SAMD5: variants seen among roughly 807,000 people sequenced by gnomAD.
SAMD5 encodes sterile alpha motif domain containing 5.
A neutral mutation model predicts 11.3 loss-of-function variants in SAMD5; 13 were observed. That is an observed-to-expected ratio of 1.15 (90% CI 0.75 to 1.83). SAMD5 has a LOEUF of 1.83. Among genes scored for constraint, SAMD5 ranks in the 40% most tolerant of loss-of-function variants. The pLI is 0.00. For missense variants in SAMD5, 255 were observed against 239.1 expected (o/e 1.07, Z -0.44); for synonymous variants, 129 against 111.3 (o/e 1.16, Z -1.00).
intron 1 of SAMD5, among the ~76,000 whole-genome samples, chr6:147,677,087 G>A (rs1022872951): frequency 1.4e-4 from 21 of 152,108 alleles, no homozygotes; most frequent in African/African-American, 4.8e-4. Context: ...CAGAGCTACC[G>A]ACAATGTCAG....
At chr6:147,783,991 T>C in the SAMD5 span, among the ~76,000 whole-genome samples, 1 of 152,132 alleles carries the variant, frequency 6.6e-6, no homozygotes, top group African/African-American at 2.4e-5. Context: ...GTCCTGGCAA[T>C]GGCAGGTTCA....
intron 1 of SAMD5, among the ~76,000 whole-genome samples, chr6:147,537,569 G>A (rs906010752): frequency 2.7e-5 from 4 of 150,644 alleles, no homozygotes; most frequent in Non-Finnish European, 5.9e-5. Context: ...TGGCTAACCC[G>A]GTGAAACCCC....
At position 147,677,454 on chromosome 6, in the gene SAMD5, A is replaced by G. The variant is rs1790879295; in HGVS notation, c.163-59863A>G. ...GGAGTGGCTGCCATTGGGAAGGTTT[A>G]GAGGGTAAACTTTGAGCTTGAGGAA... is the stretch of plus-strand genomic sequence containing the variant. On this transcript the variant is annotated intron_variant, in intron 1 of 1. Coordinates refer to the SAMD5 transcript ENST00000566741. 2.0e-5 allele frequency among the ~76,000 whole-genome samples: 3 copies of G among 152,194 alleles called. No individual in the cohort carries two copies. The South Asian group carries it at 6.2e-4, about 32-fold the overall frequency.
chr6:147,702,104 G>C (rs1188561302), intron 1 of SAMD5, among the ~76,000 whole-genome samples: 1 of 152,166 alleles, frequency 6.6e-6, no homozygotes, highest in Admixed American at 6.5e-5. Flanking sequence ...CATCATGGCG[G>C]AAGACAAAAG....
At chr6:147,837,534 A>G in the SAMD5 span, among the ~76,000 whole-genome samples, 1 of 152,168 alleles carries the variant, frequency 6.6e-6, no homozygotes, top group Non-Finnish European at 1.5e-5. Context: ...GTCCCCTTCT[A>G]CACTGCGTGG....
At chr6:147,923,975 T>C in the SAMD5 span, among the ~76,000 whole-genome samples, 5 of 152,228 alleles carry the variant, frequency 3.3e-5, no homozygotes, top group Non-Finnish European at 7.3e-5. Flanking sequence ...GTTAAGGAAC[T>C]GGCTAGGTAC....
chr6:147,647,957 A>G (rs756119074), intron 1 of SAMD5, among the ~76,000 whole-genome samples: 1 of 152,192 alleles, frequency 6.6e-6, no homozygotes, highest in Non-Finnish European at 1.5e-5. Context: ...GATTAAGTAA[A>G]TTGATCAAGG....
chr6:147,522,163 G>A (rs905239319), intron 1 of SAMD5, among the ~76,000 whole-genome samples: 2 of 152,010 alleles, frequency 1.3e-5, no homozygotes, highest in Admixed American at 6.6e-5. Flanking sequence ...TACTTTACAG[G>A]AATTACAGCT....
chr6:147,811,567 CACA>C, the SAMD5 span, among the ~76,000 whole-genome samples: 1 of 151,948 alleles, frequency 6.6e-6, no homozygotes, highest in Non-Finnish European at 1.5e-5. Context: ...GCTTCCAGGG[CACA>C]ACAAGGAGGC....
chr6:147,914,402 A>G, the SAMD5 span, among the ~76,000 whole-genome samples: 4 of 152,150 alleles, frequency 2.6e-5, no homozygotes, highest in Non-Finnish European at 4.4e-5. Flanking sequence ...GTTTGTTTTG[A>G]CCAGAGCTGG....
chr6:147,840,234 A>G, the SAMD5 span, among the ~76,000 whole-genome samples: 1 of 152,222 alleles, frequency 6.6e-6, no homozygotes. Context: ...TTTTGATGGC[A>G]TGTCAGAGAT....
chr6:147,640,497 CAAA>C (rs1172694444), intron 1 of SAMD5, among the ~76,000 whole-genome samples: 1,234 of 23,916 alleles, frequency 0.052, 6 homozygotes, highest in African/African-American at 0.12. Context: ...GACTCTGTCG[CAAA>C]AAAAAAAAAA....
chr6:147,936,388 A>G, the SAMD5 span, among the ~76,000 whole-genome samples: 1 of 150,970 alleles, frequency 6.6e-6, no homozygotes, highest in Non-Finnish European at 1.5e-5. Context: ...CAATCATGGC[A>G]GAAGGTGAAG....
At chr6:147,915,313 A>G in the SAMD5 span, among the ~76,000 whole-genome samples, 2 of 152,206 alleles carry the variant, frequency 1.3e-5, no homozygotes, top group African/African-American at 2.4e-5. Flanking sequence ...TTTATAGAAA[A>G]ACAGAGAGTC....
rs111395807 is a variant in SAMD5, at chr6:147,511,596, T to G, written c.459+2209T>G. ...AAAATAGAAACAGAAGTGTTTTCATTATCTCCCTCATTGATCCTTGAGTTG... is the reference window on the plus strand; with the variant it reads ...AAAATAGAAACAGAAGTGTTTTCATGATCTCCCTCATTGATCCTTGAGTTG... On this transcript the variant is annotated intron_variant, in intron 1 of 1. Coordinates refer to ENST00000367474, the MANE Select transcript of SAMD5 (RefSeq NM_001030060.3). Among the ~76,000 whole-genome samples, 272 of 150,380 alleles carry G rather than the reference T, an allele frequency of 1.8e-3. 1 individual carries two copies. The highest frequency in any genetic ancestry group is 6.3e-3 in the African/African-American group (256 of 40,412).
At chr6:147,536,420 AT>A (rs1788510169) in intron 1 of SAMD5, among the ~76,000 whole-genome samples, 2 of 152,218 alleles carry the variant, frequency 1.3e-5, no homozygotes, top group Non-Finnish European at 2.9e-5. Flanking sequence ...ACAGGAGCAT[AT>A]TTTACTTGTT....
At chr6:147,909,923 G>A in the SAMD5 span, among the ~76,000 whole-genome samples, 7 of 152,052 alleles carry the variant, frequency 4.6e-5, no homozygotes, top group Admixed American at 2.0e-4. Context: ...TCAGGTGTTC[G>A]TGTGGACCCG....
chr6:147,528,782 T>C lies in SAMD5; in HGVS notation c.459+19395T>C, dbSNP rs141121490. ...TCTAAATAGTTCAGTTTCTACCACA[T>C]GCAGGAGCAGTCACTATTGCAATAA... On this transcript the variant is annotated intron_variant, in intron 1 of 1. Transcript: ENST00000367474. 3.7e-3 allele frequency among the ~76,000 whole-genome samples: 558 copies of C among 152,348 alleles called. 3 individuals carry two copies. The highest frequency in any genetic ancestry group is 0.013 in the African/African-American group (531 of 41,578).
At chr6:147,659,306 G>T (rs1790613743) in intron 1 of SAMD5, among the ~76,000 whole-genome samples, 3 of 149,326 alleles carry the variant, frequency 2.0e-5, no homozygotes, top group Admixed American at 6.7e-5. Context: ...GGGAAATTTT[G>T]TTTTTTTTTC....
Sources: gnomAD v4.1 joint callset for allele counts (sites outside exome capture counted in the v4.1 genomes callset) on GRCh38, gnomAD v4.1.1 for gene constraint, MANE v1.5 for transcripts, NCBI Gene and HGNC (gene_info 2026-07-23, HGNC 2026-07-21) for gene names.